The following CA10 variants were observed in gnomAD, a reference collection of about 807,000 sequenced individuals.
CA10 encodes the protein carbonic anhydrase-related protein 10.
CA10 carries 14 observed loss-of-function variants against 44.2 expected under a neutral mutation model. That is an observed-to-expected ratio of 0.32 (90% CI 0.21 to 0.50). The LOEUF (loss-of-function observed/expected upper bound fraction) is 0.50. Among genes scored for constraint, CA10 ranks in the 20% least tolerant of loss-of-function variants. The pLI is 0.99. For synonymous variants in CA10, 159 were observed against 141.6 expected (o/e 1.12, Z -0.87); for missense variants, 350 against 409.7 (o/e 0.85, Z 1.26).
At chr17:52,141,630 A>G (rs539858855) in intron 1 of CA10, among the ~76,000 whole-genome samples, 140 of 152,330 alleles carry the variant, frequency 9.2e-4, no homozygotes, top group Non-Finnish European at 1.5e-3. Flanking sequence ...ATGAATGAGC[A>G]TGACTGTGTC....
At chr17:51,917,636 G>A (rs1399362866) in intron 3 of CA10, among the ~76,000 whole-genome samples, 1 of 152,092 alleles carries the variant, frequency 6.6e-6, no homozygotes, top group African/African-American at 2.4e-5. Context: ...GCAAAAGCAG[G>A]AACAAGAGCC....
intron 7 of CA10, among the ~76,000 whole-genome samples, chr17:51,634,654 T>C (rs1424411523): frequency 6.6e-6 from 1 of 152,088 alleles, no homozygotes; most frequent in Non-Finnish European, 1.5e-5. Context: ...CCCATCCAGT[T>C]CTGATGAGTA....
rs147819417 is a variant in CA10 at position 51,758,555 on chromosome 17, T to C, written c.280-10737A>G. Among the ~76,000 whole-genome samples the C allele has an allele frequency of 3.3e-5, 5 of 152,266 alleles. No homozygotes were observed. The East Asian group carries it at 9.7e-4, about 29-fold the overall frequency. On this transcript the variant is annotated intron_variant, in intron 3 of 8. Coordinates refer to ENST00000451037, the MANE Select transcript of CA10 (RefSeq NM_020178.5). ...ACGTAGTCATTGGCGCTGAAGCCCT[T>C]CACCTATTTCAGGCTGCCCAGCCTC...
At chr17:52,086,150 A>T (rs935448330) in intron 1 of CA10, among the ~76,000 whole-genome samples, 52 of 152,176 alleles carry the variant, frequency 3.4e-4, no homozygotes. Context: ...AAATAAGGGG[A>T]TGTCTTTAAT....
intron 3 of CA10, among the ~76,000 whole-genome samples, chr17:51,917,946 G>A (rs1232861998): frequency 4.6e-5 from 7 of 152,078 alleles, no homozygotes; most frequent in Non-Finnish European, 7.3e-5. Context: ...CAGCTTTCAC[G>A]TGAGAAACTT....
intron 3 of CA10, among the ~76,000 whole-genome samples, chr17:51,842,490 T>C (rs140648803): frequency 4.3e-4 from 66 of 152,332 alleles, no homozygotes; most frequent in African/African-American, 1.5e-3. Context: ...CCATGTCAGA[T>C]AACTCTGTGT....
At chr17:51,947,895 C>T (rs1205703864) in intron 2 of CA10, among the ~76,000 whole-genome samples, 1 of 152,036 alleles carries the variant, frequency 6.6e-6, no homozygotes, top group Non-Finnish European at 1.5e-5. Flanking sequence ...GAATATGAAA[C>T]ATGCCTATCC....
intron 2 of CA10, among the ~76,000 whole-genome samples, chr17:52,067,466 T>G (rs1177503700): frequency 1.3e-5 from 2 of 152,316 alleles, no homozygotes; most frequent in East Asian, 3.9e-4. Flanking sequence ...GGAGCCCTCA[T>G]GGAGAAACTC....
intron 3 of CA10, among the ~76,000 whole-genome samples, chr17:51,784,719 A>G (rs1237566954): frequency 2.0e-5 from 3 of 152,262 alleles, no homozygotes; most frequent in Non-Finnish European, 2.9e-5. Flanking sequence ...AATGCATAAC[A>G]ATCACATCAT....
chr17:51,964,966 ATT>A (rs1984028642), intron 2 of CA10, among the ~76,000 whole-genome samples: 1 of 151,980 alleles, frequency 6.6e-6, no homozygotes. Context: ...CAAAAGGTTC[ATT>A]GTTTGAAAGG....
intron 2 of CA10, among the ~76,000 whole-genome samples, chr17:51,978,977 T>C (rs1984556973): frequency 6.6e-6 from 1 of 152,116 alleles, no homozygotes; most frequent in South Asian, 2.1e-4. Flanking sequence ...CCCATGACCC[T>C]CAGTAAAGCC....
At chr17:51,906,838 A>G (rs1404583781) in intron 3 of CA10, among the ~76,000 whole-genome samples, 2 of 152,112 alleles carry the variant, frequency 1.3e-5, no homozygotes, top group Non-Finnish European at 2.9e-5. Context: ...ATCCATCTGC[A>G]TGTCCTGCTT....
chr17:51,909,796 G>T (rs185950190), intron 3 of CA10, among the ~76,000 whole-genome samples: 1 of 151,982 alleles, frequency 6.6e-6, no homozygotes, highest in South Asian at 2.1e-4. Context: ...GCATCTCATC[G>T]ATGTTAACTG....
At chr17:51,931,157 A>G in intron 2 of CA10, 25 bp from the exon 3 acceptor site, 1 of 1,611,754 alleles carries the variant, frequency 6.2e-7, no homozygotes, top group Non-Finnish European at 8.5e-7. Context: ...AAATTATAGA[A>G]TTAGGCTGAG....
chr17:51,658,563 C>T lies in CA10; in HGVS notation c.466-4827G>A, dbSNP rs1281615335. ...GGAAGCATATCACTTGTAGAGAACACGGCCAATGCAAAGAGCCTGAGATAG... is the reference window on the plus strand; with the variant it reads ...GGAAGCATATCACTTGTAGAGAACATGGCCAATGCAAAGAGCCTGAGATAG... On this transcript the variant is annotated intron_variant, in intron 4 of 8. Transcript: ENST00000451037. Among the ~76,000 whole-genome samples, 5 of 152,044 alleles carry T rather than the reference C, an allele frequency of 3.3e-5. No individual in the cohort carries two copies. In the South Asian group the frequency reaches 1.0e-3, roughly 32 times the overall value.
chr17:51,750,176 T>C (rs1904844802), intron 3 of CA10, among the ~76,000 whole-genome samples: 1 of 152,242 alleles, frequency 6.6e-6, no homozygotes, highest in Non-Finnish European at 1.5e-5. Context: ...GGCATTATTA[T>C]ATGGTTCGAA....
At chr17:51,849,164 T>TATATATATATAC (rs1978638085) in intron 3 of CA10, among the ~76,000 whole-genome samples, 2 of 98,932 alleles carry the variant, frequency 2.0e-5, no homozygotes, top group South Asian at 3.1e-4. Flanking sequence ...TACATATATG[T>TATATATATATAC]ATATATATAT....
intron 2 of CA10, among the ~76,000 whole-genome samples, chr17:52,037,872 C>T (rs536849096): frequency 6.6e-6 from 1 of 152,226 alleles, no homozygotes; most frequent in African/African-American, 2.4e-5. Flanking sequence ...AAGCTTGATT[C>T]TTGTTCCATA....
At chr17:51,639,213 A>G (rs1056183005) in intron 6 of CA10, among the ~76,000 whole-genome samples, 3 of 152,210 alleles carry the variant, frequency 2.0e-5, no homozygotes, top group Non-Finnish European at 2.9e-5. Context: ...TTTTTGTTAA[A>G]GGTCAATGTG....
Sources: allele counts gnomAD v4.1 joint callset (sites outside exome capture counted in the v4.1 genomes callset), GRCh38; gene constraint gnomAD v4.1.1; transcripts MANE v1.5; gene names NCBI Gene and HGNC (gene_info 2026-07-23, HGNC 2026-07-21).